DHRSX: variants seen among roughly 807,000 people sequenced by gnomAD.
The protein encoded by DHRSX is dehydrogenase/reductase X-linked.
In DHRSX, 31 loss-of-function variants were observed where a neutral mutation model predicts 34.0. The observed-to-expected ratio is 0.91, with a 90% CI of 0.69 to 1.23. The LOEUF (loss-of-function observed/expected upper bound fraction) is 1.23, where lower values mean the gene tolerates loss of function less well. DHRSX is among the 50% of genes most tolerant of loss of function. The probability of loss-of-function intolerance (pLI) is 0.00; values close to 1 mark genes in which losing one functional copy is unlikely to be tolerated. For synonymous variants in DHRSX, 201 were observed against 183.8 expected, an observed-to-expected ratio of 1.09 and a Z score of -0.76; for missense variants, 414 against 428.1, an observed-to-expected ratio of 0.97 and a Z score of 0.29.
intron 1 of DHRSX, among the ~76,000 whole-genome samples, chrX:2,430,959 A>G (rs1163876635): frequency 6.6e-6 from 1 of 151,968 alleles, no homozygotes; most frequent in East Asian, 1.9e-4. Flanking sequence ...TGGGAGGTTG[A>G]GGCTGTAGTG....
intron 1 of DHRSX, among the ~76,000 whole-genome samples, chrX:2,437,256 C>T (rs2044003618): frequency 6.6e-6 from 1 of 152,132 alleles, no homozygotes; most frequent in African/African-American, 2.4e-5. Context: ...ACCTCAGCCT[C>T]CCAAAGTGCT....
chrX:2,346,257 A>G (rs866888601), intron 3 of DHRSX, among the ~76,000 whole-genome samples: 6 of 142,922 alleles, frequency 4.2e-5, no homozygotes, highest in Middle Eastern at 7.0e-3. Flanking sequence ...GACATGCCCG[A>G]GTTGTTATGT....
chrX:2,484,157 G>A (rs1361532585), intron 1 of DHRSX, among the ~76,000 whole-genome samples: 1 of 152,108 alleles, frequency 6.6e-6, no homozygotes, highest in Non-Finnish European at 1.5e-5. Context: ...ATTTTTAGTA[G>A]AGATGGGGTT....
chrX:2,380,166 G>A (rs181968021), intron 3 of DHRSX, among the ~76,000 whole-genome samples: 5 of 151,922 alleles, frequency 3.3e-5, no homozygotes, highest in East Asian at 1.9e-4. Context: ...ATGGTGGCAC[G>A]TCCCCATAAT....
intron 3 of DHRSX, among the ~76,000 whole-genome samples, chrX:2,342,450 T>G (rs756728513): frequency 6.6e-6 from 1 of 152,142 alleles, no homozygotes; most frequent in Admixed American, 6.6e-5. Context: ...ACGGTGACCA[T>G]GAGTTCGACG....
chrX:2,292,454 G>A (rs970401044), intron 3 of DHRSX, among the ~76,000 whole-genome samples: 7 of 152,188 alleles, frequency 4.6e-5, no homozygotes, highest in African/African-American at 1.7e-4. Context: ...CAGCAGCTGT[G>A]GGATAGTAAG....
intron 2 of DHRSX, among the ~76,000 whole-genome samples, chrX:2,413,448 C>T (rs1414961840): frequency 3.3e-5 from 5 of 151,754 alleles, no homozygotes; most frequent in Non-Finnish European, 7.4e-5. Context: ...AAAACACACA[C>T]AAAAAGAAAC....
chrX:2,229,178 G>A (rs1035449961), intron 6 of DHRSX, among the ~76,000 whole-genome samples: 8 of 152,138 alleles, frequency 5.3e-5, no homozygotes, highest in African/African-American at 1.9e-4. Context: ...CCACATCTTA[G>A]GGCAGAAACT....
intron 3 of DHRSX, among the ~76,000 whole-genome samples, chrX:2,366,372 G>A (rs1376340543): frequency 6.6e-6 from 1 of 151,798 alleles, no homozygotes; most frequent in Non-Finnish European, 1.5e-5. Context: ...ACCCAGAGGT[G>A]GAGGCTACGG....
chrX:2,307,521 T>C (rs1234865095), intron 3 of DHRSX, among the ~76,000 whole-genome samples: 3 of 151,952 alleles, frequency 2.0e-5, no homozygotes, highest in African/African-American at 4.8e-5. Context: ...CCCAGCACTT[T>C]GGGAGGCCGA....
intron 3 of DHRSX, among the ~76,000 whole-genome samples, chrX:2,347,834 T>C (rs997498040): frequency 1.3e-5 from 2 of 152,222 alleles, no homozygotes; most frequent in Non-Finnish European, 2.9e-5. Flanking sequence ...ATGGATGTCA[T>C]ACATGGGACA....
chrX:2,485,810 GGGAGAGAAGGAA>G lies in DHRSX; in HGVS notation c.109+14995_109+15006del, dbSNP rs2044900357. On this transcript the variant is annotated intron_variant, in intron 1 of 6. Transcript: ENST00000334651. The stretch of plus-strand genomic sequence containing the variant: ...GGAGAGAAGGGAGAGAAGGAAGGAA[GGGAGAGAAGGAA>G]GGAAGGGAGAGAAGGAAGGAAGGGA... Among the ~76,000 whole-genome samples the G allele has an allele frequency of 2.6e-5, 2 of 75,768 alleles. 1 individual carries two copies. The highest frequency in any genetic ancestry group is 3.0e-4 in the Admixed American group (2 of 6,584). 49.7% of individuals were successfully genotyped at this position (75,768 alleles called of 152,430 possible). A position where few individuals can be genotyped will look rare whatever the true frequency, so the allele number is the denominator to read the frequency against.
chrX:2,451,313 G>A (rs1569502795), intron 1 of DHRSX, among the ~76,000 whole-genome samples: 1 of 151,236 alleles, frequency 6.6e-6, no homozygotes, highest in South Asian at 2.1e-4. Context: ...TCCACCCTGG[G>A]CCCTGGAACT....
chrX:2,390,976 A>G (rs1017478487), intron 3 of DHRSX, among the ~76,000 whole-genome samples: 2 of 152,202 alleles, frequency 1.3e-5, no homozygotes, highest in African/African-American at 4.8e-5. Flanking sequence ...CGCAGCATGC[A>G]TCTGAATACC....
chrX:2,378,278 G>C (rs752487807), intron 3 of DHRSX, among the ~76,000 whole-genome samples: 2 of 152,332 alleles, frequency 1.3e-5, no homozygotes, highest in East Asian at 3.9e-4. Context: ...GACTTCTGTG[G>C]CTTTCAGCCA....
At chrX:2,384,826 G>A (rs1466963077) in intron 3 of DHRSX, among the ~76,000 whole-genome samples, 1 of 151,226 alleles carries the variant, frequency 6.6e-6, no homozygotes, top group Non-Finnish European at 1.5e-5. Context: ...CCAGTTGGTG[G>A]GTGCAGCACA....
chrX:2,230,532 T>C (rs1018551870), intron 6 of DHRSX, among the ~76,000 whole-genome samples: 11 of 152,220 alleles, frequency 7.2e-5, no homozygotes, highest in African/African-American at 2.4e-4. Context: ...GGCTGGGCTA[T>C]GGTGCCCAGA....
At chrX:2,373,179 C>T (rs1339546596) in intron 3 of DHRSX, among the ~76,000 whole-genome samples, 1 of 152,186 alleles carries the variant, frequency 6.6e-6, no homozygotes, top group Non-Finnish European at 1.5e-5. Flanking sequence ...ACACTCACTA[C>T]CACGAGAACA....
chrX:2,312,215 C>A lies in DHRSX; in HGVS notation c.287-20612G>T, dbSNP rs908919978. ...ATCAAGAGAAATCTTGAGTTCCTTC[C>A]AGGAAGGAAACTCCAGGCACTTCGC... On this transcript the variant is annotated intron_variant, in intron 3 of 6. Transcript: ENST00000334651. 2.0e-5 allele frequency among the ~76,000 whole-genome samples: 3 copies of A among 152,012 alleles called. 1 individual carries two copies. The highest frequency in any genetic ancestry group is 4.4e-5 in the Non-Finnish European group (3 of 68,010).
Sources: gnomAD v4.1 joint callset for allele counts (sites outside exome capture counted in the v4.1 genomes callset) on GRCh38, gnomAD v4.1.1 for gene constraint, MANE v1.5 for transcripts, NCBI Gene and HGNC (gene_info 2026-07-23, HGNC 2026-07-21) for gene names.